The following ITIH2 variants were observed in gnomAD, a reference collection of about 807,000 sequenced individuals.
The protein encoded by ITIH2 is inter-alpha-trypsin inhibitor heavy chain H2.
A neutral mutation model predicts 104.4 loss-of-function variants in ITIH2; 103 were observed. The ratio of observed to expected loss-of-function variants is 0.99; its 90% CI spans 0.84 to 1.16. ITIH2 has a LOEUF of 1.16. Ranked by LOEUF, ITIH2 falls within the 50% of genes most tolerant of loss-of-function variation. The pLI, the probability that ITIH2 is intolerant of heterozygous loss-of-function variation, is 0.00. For synonymous variants in ITIH2, 436 were observed against 435.4 expected (o/e 1.00, Z -0.02); for missense variants, 1,108 against 1,162.4 (o/e 0.95, Z 0.68).
intron 17 of ITIH2, among the ~76,000 whole-genome samples, 195 bp from the exon 18 acceptor site, chr10:7,743,877 AATTAAATTTT>A (rs1236776574): frequency 5.3e-5 from 8 of 152,026 alleles, no homozygotes; most frequent in African/African-American, 1.7e-4. Flanking sequence ...AAAATTATTA[AATTAAATTTT>A]ATTAAAATTT....
At chr10:7,727,640 G>A (rs1834962808) in intron 10 of ITIH2, 63 bp from the exon 11 acceptor site, 1 of 1,582,482 alleles carries the variant, frequency 6.3e-7, no homozygotes, top group Non-Finnish European at 8.6e-7. Flanking sequence ...TCTGAATCCA[G>A]AATGGGATTT....
chr10:7,734,534 A>C (rs1052096551), intron 14 of ITIH2, among the ~76,000 whole-genome samples: 3 of 152,048 alleles, frequency 2.0e-5, no homozygotes, highest in Non-Finnish European at 1.5e-5. Flanking sequence ...ATCTCTACAA[A>C]AAATACAAGA....
At chr10:7,724,585 A>AAAAAAAAAAAAAAAG (rs1199035703) in intron 9 of ITIH2, among the ~76,000 whole-genome samples, 1 of 149,268 alleles carries the variant, frequency 6.7e-6, no homozygotes, top group Non-Finnish European at 1.5e-5. Context: ...AAAAAAAAAA[A>AAAAAAAAAAAAAAAG]AAGAAGAGGA....
chr10:7,749,352 A>T lies in ITIH2; in HGVS notation c.*18A>T. 6.3e-7 allele frequency: 1 copy of T among 1,596,880 alleles called. No individual in the cohort carries two copies. Among genetic ancestry groups the T allele is most frequent in the South Asian group, 1.1e-5 (1 of 90,368 alleles). On this transcript the variant is annotated 3_prime_UTR_variant, in exon 21 of 21. Transcript: ENST00000358415. ...GGCCTTAAAGGTTTATAGTTTGGGA[A>T]ATTATATATATTAATATACATCTTT...
At chr10:7,719,152 G>A (rs1411965136) in intron 6 of ITIH2, among the ~76,000 whole-genome samples, 1 of 152,156 alleles carries the variant, frequency 6.6e-6, no homozygotes. Context: ...AATTAATCAC[G>A]ATGAAACTTT....
At chr10:7,724,530 A>C (rs1212713668) in intron 9 of ITIH2, among the ~76,000 whole-genome samples, 1 of 134,122 alleles carries the variant, frequency 7.5e-6, no homozygotes, top group East Asian at 2.4e-4. Context: ...AGATCGCGCC[A>C]TTGCACTCCA....
chr10:7,739,302 C>T (rs1411542879), intron 16 of ITIH2, among the ~76,000 whole-genome samples: 1 of 152,196 alleles, frequency 6.6e-6, no homozygotes, highest in Non-Finnish European at 1.5e-5. Context: ...AACCTGTGTG[C>T]AGCTTTTCTT....
chr10:7,725,469 A>G (rs4747578), intron 9 of ITIH2, among the ~76,000 whole-genome samples: 117,714 of 152,160 alleles, frequency 0.77, 45,659 homozygotes, highest in Admixed American at 0.83. Context: ...CTCATGGAAC[A>G]CCTGTGCAGT....
At chr10:7,745,777 G>A (rs1455803519) in intron 19 of ITIH2, among the ~76,000 whole-genome samples, 1 of 150,988 alleles carries the variant, frequency 6.6e-6, no homozygotes, top group Non-Finnish European at 1.5e-5. Flanking sequence ...TTTATGAGAT[G>A]GAGTTTCTCT....
chr10:7,734,115 A>G (rs1441676894), intron 14 of ITIH2, among the ~76,000 whole-genome samples: 1 of 152,174 alleles, frequency 6.6e-6, no homozygotes, highest in Non-Finnish European at 1.5e-5. Flanking sequence ...AAAATACCCT[A>G]TATGATACTC....
At chr10:7,712,909 A>G in intron 4 of ITIH2, among the ~76,000 whole-genome samples, 1 of 152,204 alleles carries the variant, frequency 6.6e-6, no homozygotes, top group East Asian at 1.9e-4. Context: ...TCATGAGGTC[A>G]GGAGATCGAG....
At chr10:7,735,451 C>T (rs1295024739) in intron 15 of ITIH2, among the ~76,000 whole-genome samples, 1 of 151,814 alleles carries the variant, frequency 6.6e-6, no homozygotes, top group Admixed American at 6.6e-5. Context: ...TGTAATCTCA[C>T]CTGTTTGGAA....
chr10:7,712,515 A>T (rs1275787248), intron 4 of ITIH2, among the ~76,000 whole-genome samples: 1 of 152,226 alleles, frequency 6.6e-6, no homozygotes, highest in African/African-American at 2.4e-5. Flanking sequence ...TTCGGAATTT[A>T]TCAGTCACCT....
intron 12 of ITIH2, 60 bp downstream of exon 12, chr10:7,730,193 C>A: frequency 8.0e-7 from 1 of 1,252,172 alleles, no homozygotes; most frequent in Non-Finnish European, 1.1e-6. Flanking sequence ...CTACCCATAT[C>A]TGATGCAGGT....
chr10:7,741,482 C>T (rs911651805), intron 16 of ITIH2, among the ~76,000 whole-genome samples: 2 of 152,118 alleles, frequency 1.3e-5, no homozygotes, highest in African/African-American at 4.8e-5. Context: ...CTGGCCTGTT[C>T]TGTGTTTTTA....
chr10:7,716,168 A>G, intron 5 of ITIH2, among the ~76,000 whole-genome samples: 1 of 152,148 alleles, frequency 6.6e-6, no homozygotes, highest in South Asian at 2.1e-4. Flanking sequence ...CGTTTTTAGT[A>G]GAGACAGGAT....
chr10:7,734,925 C>A lies in ITIH2; in HGVS notation c.1791C>A (p.Ser597Arg), dbSNP rs374077524. The A allele has an allele frequency of 3.0e-5, 48 of 1,610,776 alleles. No homozygotes were observed. The highest frequency in any genetic ancestry group is 2.1e-4 in the African/African-American group (16 of 75,042). ...LTINQLLAER[S>R]LAPTAAAKRR... Reference sequence around the variant, plus strand: ...CACCTCTACTTCTTGAATACAGAAGCCTGGCTCCTACAGCTGCCGCCAAGA... The same window carrying A: ...CACCTCTACTTCTTGAATACAGAAGACTGGCTCCTACAGCTGCCGCCAAGA... Residue 597 changes from serine to arginine, a missense_variant, in exon 15 of 21, where the codon AGC becomes AGA. Coordinates refer to ENST00000358415, the MANE Select transcript of ITIH2 (RefSeq NM_002216.3).
At chr10:7,729,911 T>C in intron 11 of ITIH2, 41 bp from the exon 12 acceptor site, 2 of 1,463,462 alleles carry the variant, frequency 1.4e-6, no homozygotes, top group Non-Finnish European at 9.3e-7. Context: ...TTTATGATAT[T>C]GCTTCTTCAT....
chr10:7,722,759 G>A (rs1273661594), intron 8 of ITIH2, among the ~76,000 whole-genome samples: 6 of 152,200 alleles, frequency 3.9e-5, no homozygotes, highest in South Asian at 2.1e-4. Context: ...CCCTGGGTGC[G>A]CGTTAGATGC....
Sources: allele counts gnomAD v4.1 joint callset (sites outside exome capture counted in the v4.1 genomes callset), GRCh38; gene constraint gnomAD v4.1.1; transcripts MANE v1.5; gene names NCBI Gene and HGNC (gene_info 2026-07-23, HGNC 2026-07-21).